Variants in CUL3 observed in about 807,000 individuals in gnomAD.
CUL3 encodes the protein cullin-3.
Under a neutral mutation model 89.1 loss-of-function variants are expected in CUL3, and 19 were observed. That is an observed-to-expected ratio of 0.21 (90% CI 0.15 to 0.31). The LOEUF is 0.31. CUL3 is among the 10% of genes least tolerant of loss of function. The pLI is 1.00. For missense variants in CUL3, 469 were observed against 942.3 expected (o/e 0.50, Z 6.58); for synonymous variants, 351 against 308.4 (o/e 1.14, Z -1.45).
intron 2 of CUL3, among the ~76,000 whole-genome samples, chr2:224,548,650 A>C (rs1254411365): frequency 6.6e-6 from 1 of 152,204 alleles, no homozygotes; most frequent in Non-Finnish European, 1.5e-5. Flanking sequence ...GCATTACAAA[A>C]TTGAGATAAT....
intron 3 of CUL3, among the ~76,000 whole-genome samples, chr2:224,517,858 T>G (rs2106230767): frequency 6.6e-6 from 1 of 152,320 alleles, no homozygotes; most frequent in African/African-American, 2.4e-5. Flanking sequence ...TTCAAACCAG[T>G]ATGTAGCCAT....
At chr2:224,498,743 T>C (rs1188727930) in intron 11 of CUL3, among the ~76,000 whole-genome samples, 2 of 152,230 alleles carry the variant, frequency 1.3e-5, no homozygotes, top group Non-Finnish European at 2.9e-5. Context: ...TACAGGATTA[T>C]GTGAATTGTG....
intron 1 of CUL3, among the ~76,000 whole-genome samples, chr2:224,563,511 C>T (rs563056530): frequency 6.6e-6 from 1 of 152,288 alleles, no homozygotes; most frequent in East Asian, 1.9e-4. Flanking sequence ...TTGTCCATAT[C>T]TTAAAGAAGA....
intron 3 of CUL3, among the ~76,000 whole-genome samples, chr2:224,526,030 GGA>G (rs1236264131): frequency 6.6e-6 from 1 of 152,190 alleles, no homozygotes; most frequent in East Asian, 1.9e-4. Flanking sequence ...GCCTCTTCCA[GGA>G]GAGAGTTCGT....
intron 1 of CUL3, among the ~76,000 whole-genome samples, chr2:224,583,091 T>C (rs373301141): frequency 2.0e-5 from 3 of 152,222 alleles, no homozygotes; most frequent in South Asian, 2.1e-4. Context: ...AAATCTGTTG[T>C]ATATAGGCCT....
chr2:224,523,451 C>T (rs1369680538), intron 3 of CUL3, among the ~76,000 whole-genome samples: 2 of 151,222 alleles, frequency 1.3e-5, no homozygotes, highest in African/African-American at 2.4e-5. Flanking sequence ...AATTAGAGCT[C>T]TCGTGCACTG....
chr2:224,474,830 C>A (rs919225540), intron 15 of CUL3, among the ~76,000 whole-genome samples: 1 of 152,162 alleles, frequency 6.6e-6, no homozygotes, highest in Admixed American at 6.5e-5. Flanking sequence ...AATGTGTTAA[C>A]AGATGTAACG....
intron 15 of CUL3, among the ~76,000 whole-genome samples, 156 bp downstream of exon 15, chr2:224,478,044 A>G (rs1441056866): frequency 6.6e-6 from 1 of 152,248 alleles, no homozygotes; most frequent in Admixed American, 6.5e-5. Flanking sequence ...ATGTATCACC[A>G]TGTTTAGTTA....
intron 13 of CUL3, among the ~76,000 whole-genome samples, chr2:224,494,668 A>AATG (rs1178295606): frequency 3.9e-5 from 6 of 152,310 alleles, no homozygotes; most frequent in Middle Eastern, 3.4e-3. Flanking sequence ...GCCTTCAACA[A>AATG]ATGATGCTGG....
At chr2:224,558,390 C>T (rs1574694188) in intron 1 of CUL3, among the ~76,000 whole-genome samples, 2 of 152,038 alleles carry the variant, frequency 1.3e-5, no homozygotes, top group African/African-American at 4.8e-5. Context: ...GATTTTATAC[C>T]ACCTCCTCCA....
intron 6 of CUL3, among the ~76,000 whole-genome samples, chr2:224,508,804 T>C (rs1365684929): frequency 6.6e-6 from 1 of 151,650 alleles, no homozygotes; most frequent in African/African-American, 2.4e-5. Flanking sequence ...TTAATAAAAA[T>C]ACAAAAAATT....
At chr2:224,565,744 T>C (rs1695027373) in intron 1 of CUL3, among the ~76,000 whole-genome samples, 1 of 152,228 alleles carries the variant, frequency 6.6e-6, no homozygotes, top group South Asian at 2.1e-4. Context: ...GTGATGTCCA[T>C]TAGCTCTTGA....
intron 13 of CUL3, among the ~76,000 whole-genome samples, chr2:224,482,828 A>G (rs1180686364): frequency 6.6e-6 from 1 of 152,192 alleles, no homozygotes; most frequent in African/African-American, 2.4e-5. Flanking sequence ...ACATGTCTAT[A>G]GTGATATGTG....
At chr2:224,475,268 C>T (rs555465291) in intron 15 of CUL3, among the ~76,000 whole-genome samples, 40 of 152,270 alleles carry the variant, frequency 2.6e-4, no homozygotes, top group African/African-American at 8.2e-4. Flanking sequence ...CTGCCTGCCT[C>T]GGCCTCCCAA....
intron 3 of CUL3, among the ~76,000 whole-genome samples, 157 bp downstream of exon 3, chr2:224,535,371 C>T (rs766767099): frequency 3.9e-5 from 6 of 152,120 alleles, no homozygotes; most frequent in African/African-American, 7.2e-5. Flanking sequence ...GGTTTTGCCA[C>T]GCTGGCCAGG....
At position 224,470,313 on chromosome 2, in the gene CUL3, T is replaced by A. The variant is rs146239785; in HGVS notation, c.*3932A>T. On this transcript the variant is annotated 3_prime_UTR_variant, in exon 16 of 16. Coordinates refer to ENST00000264414, the MANE Select transcript of CUL3 (RefSeq NM_003590.5). ...AGCTGCTCATGTATAATTTTAAAGC[T>A]ATTTTTGCATGGCTCACTCGAGGTC... 7 of 226,890 alleles carry A rather than the reference T, an allele frequency of 3.1e-5. No homozygotes were observed. The highest frequency in any genetic ancestry group is 5.7e-5 in the Admixed American group (1 of 17,596). The allele number at this position is 226,890 out of a possible 1,614,324, so 14.1% of individuals were successfully genotyped here.
At chr2:224,580,609 A>T (rs1695413121) in intron 1 of CUL3, among the ~76,000 whole-genome samples, 5 of 152,160 alleles carry the variant, frequency 3.3e-5, no homozygotes, top group Admixed American at 3.3e-4. Flanking sequence ...GGTTGAACCC[A>T]AGAGGTGGAG....
At chr2:224,565,731 G>A (rs1259827979) in intron 1 of CUL3, among the ~76,000 whole-genome samples, 4 of 152,090 alleles carry the variant, frequency 2.6e-5, no homozygotes, top group Admixed American at 1.3e-4. Flanking sequence ...GTCATCTTCC[G>A]GTGTGATGTC....
intron 14 of CUL3, 90 bp downstream of exon 14, chr2:224,481,802 G>T: frequency 1.1e-6 from 1 of 884,794 alleles, no homozygotes; most frequent in Non-Finnish European, 1.6e-6. Context: ...CAGAAAAGGA[G>T]TATTTTTAAA....
Sources: allele counts gnomAD v4.1 joint callset (sites outside exome capture counted in the v4.1 genomes callset), GRCh38; gene constraint gnomAD v4.1.1; transcripts MANE v1.5; gene names NCBI Gene and HGNC (gene_info 2026-07-23, HGNC 2026-07-21).